Variants in SLIT3 observed in about 807,000 individuals in gnomAD.
The protein encoded by SLIT3 is slit guidance ligand 3.
In SLIT3, 68 loss-of-function variants were observed where a neutral mutation model predicts 184.0. The observed-to-expected ratio is 0.37, with a 90% confidence interval of 0.30 to 0.45. The LOEUF (loss-of-function observed/expected upper bound fraction) is 0.45, where lower values mean the gene tolerates loss of function less well. Among genes scored for constraint, SLIT3 ranks in the 20% least tolerant of loss-of-function variants. SLIT3 has a pLI of 1.00. For synonymous variants in SLIT3, 831 were observed against 828.6 expected (o/e 1.00, Z -0.05); for missense variants, 1,707 against 2,026.0 (o/e 0.84, Z 3.02).
chr5:169,205,744 G>A (rs1764047816), intron 3 of SLIT3, among the ~76,000 whole-genome samples: 1 of 152,230 alleles, frequency 6.6e-6, no homozygotes, highest in South Asian at 2.1e-4. Context: ...CAAGCCCCCT[G>A]TGCTGGCTAT....
intron 10 of SLIT3, chr5:168,790,320 A>G (rs1756319729): frequency 6.6e-6 from 1 of 152,198 alleles, no homozygotes; most frequent in Non-Finnish European, 1.5e-5. Flanking sequence ...GCTTTGGATA[A>G]TGAGAGCAAG....
chr5:169,069,899 G>A (rs1439627186), intron 4 of SLIT3, among the ~76,000 whole-genome samples: 4 of 152,130 alleles, frequency 2.6e-5, no homozygotes, highest in African/African-American at 7.2e-5. Flanking sequence ...GGGAACCCTC[G>A]GAAAGATCTT....
chr5:168,823,680 G>A (rs545529841), intron 6 of SLIT3, among the ~76,000 whole-genome samples: 265 of 152,106 alleles, frequency 1.7e-3, no homozygotes, highest in Middle Eastern at 0.014. Context: ...TCCTGTCCTC[G>A]GTTTATGGAG....
chr5:169,028,009 C>T (rs112034727), intron 4 of SLIT3, among the ~76,000 whole-genome samples: 33 of 152,226 alleles, frequency 2.2e-4, no homozygotes, highest in African/African-American at 7.7e-4. Context: ...GGAGCTGAGA[C>T]GGGCTGCTTC....
intron 4 of SLIT3, among the ~76,000 whole-genome samples, chr5:169,104,456 A>G (rs1385292853): frequency 6.6e-6 from 1 of 152,242 alleles, no homozygotes; most frequent in African/African-American, 2.4e-5. Context: ...TCACCTGTCA[A>G]AATGAAAAGG....
intron 4 of SLIT3, among the ~76,000 whole-genome samples, chr5:169,146,547 C>T (rs1305445124): frequency 6.6e-6 from 1 of 152,182 alleles, no homozygotes; most frequent in Non-Finnish European, 1.5e-5. Context: ...CTTCTGACCT[C>T]CACACCCCCT....
intron 27 of SLIT3, among the ~76,000 whole-genome samples, chr5:168,697,393 G>A (rs1280377017): frequency 2.6e-5 from 4 of 152,218 alleles, no homozygotes; most frequent in Admixed American, 2.0e-4. Context: ...GTGCAAGATC[G>A]GTTAGAACAG....
chr5:169,079,175 T>G (rs6874729), intron 4 of SLIT3, among the ~76,000 whole-genome samples: 54,577 of 151,976 alleles, frequency 0.36, 10,764 homozygotes, highest in South Asian at 0.56. Flanking sequence ...TTCTTTCCTT[T>G]TCTATCTGGG....
intron 18 of SLIT3, among the ~76,000 whole-genome samples, chr5:168,751,579 G>C (rs551487769): frequency 6.6e-6 from 1 of 152,154 alleles, no homozygotes; most frequent in South Asian, 2.1e-4. Flanking sequence ...TCTGAACCTA[G>C]GAAATTTGGC....
At chr5:169,130,826 G>A (rs899622801) in intron 4 of SLIT3, among the ~76,000 whole-genome samples, 6 of 152,204 alleles carry the variant, frequency 3.9e-5, no homozygotes, top group African/African-American at 1.4e-4. Context: ...GACTGATCAT[G>A]TGTCAGCATG....
rs767155509 is a variant in SLIT3 at position 169,057,948 on chromosome 5, G to T, written c.413+135531C>A. On this transcript the variant is annotated intron_variant, in intron 4 of 35. Transcript: ENST00000519560. Reference sequence around the variant, plus strand: ...TCTCCCTTCTCTTTTGGCTGATAGAGGCTTAAGATCAAGATGAAATCAGCT... The same window carrying T: ...TCTCCCTTCTCTTTTGGCTGATAGATGCTTAAGATCAAGATGAAATCAGCT... Among the ~76,000 whole-genome samples the T allele has an allele frequency of 3.5e-4, 54 of 152,306 alleles. 1 individual carries two copies. The highest frequency in any genetic ancestry group is 1.8e-3 in the Admixed American group (28 of 15,290).
intron 4 of SLIT3, among the ~76,000 whole-genome samples, chr5:168,965,629 T>A (rs1159217016): frequency 6.6e-6 from 1 of 152,206 alleles, no homozygotes; most frequent in Non-Finnish European, 1.5e-5. Context: ...CAACAGCACT[T>A]TGACATACCA....
intron 5 of SLIT3, among the ~76,000 whole-genome samples, chr5:168,868,747 C>CAAAAAAAAAAAAAAAAAAAAAAA (rs375837097): frequency 1.4e-5 from 1 of 69,308 alleles, no homozygotes; most frequent in Non-Finnish European, 2.9e-5. Context: ...GAATCTGCCT[C>CAAAAAAAAAAAAAAAAAAAAAAA]AAAAAAAAAA....
chr5:169,052,462 G>C (rs1757851241), intron 4 of SLIT3, among the ~76,000 whole-genome samples: 1 of 152,098 alleles, frequency 6.6e-6, no homozygotes, highest in African/African-American at 2.4e-5. Context: ...TACTTCCCCA[G>C]GGCCAATTAG....
chr5:168,907,979 T>TATATATATATATATAG, intron 4 of SLIT3, among the ~76,000 whole-genome samples: 1 of 50,088 alleles, frequency 2.0e-5, no homozygotes, highest in East Asian at 5.0e-4. Context: ...TATATATATA[T>TATATATATATATATAG]AGAGAGAGAG....
chr5:168,809,545 T>A (rs1167708390), intron 8 of SLIT3, among the ~76,000 whole-genome samples: 1 of 152,176 alleles, frequency 6.6e-6, no homozygotes, highest in Non-Finnish European at 1.5e-5. Context: ...TCGATGCCAA[T>A]GGACCAAGCC....
intron 4 of SLIT3, among the ~76,000 whole-genome samples, chr5:169,136,643 T>A (rs1415791615): frequency 6.6e-6 from 1 of 152,184 alleles, no homozygotes; most frequent in Non-Finnish European, 1.5e-5. Context: ...TCTGGCCCCA[T>A]CTTTCAACGC....
intron 4 of SLIT3, among the ~76,000 whole-genome samples, chr5:169,108,300 T>A (rs1215815272): frequency 6.6e-6 from 1 of 152,188 alleles, no homozygotes; most frequent in Non-Finnish European, 1.5e-5. Flanking sequence ...GGCCCTGACA[T>A]TTGGATGCTG....
intron 21 of SLIT3, among the ~76,000 whole-genome samples, chr5:168,724,082 C>T (rs759869315): frequency 9.2e-5 from 14 of 152,128 alleles, no homozygotes; most frequent in Admixed American, 3.9e-4. Context: ...CTCCCAACAA[C>T]GAATAATTAA....
Sources: gnomAD v4.1 joint callset for allele counts (sites outside exome capture counted in the v4.1 genomes callset) on GRCh38, gnomAD v4.1.1 for gene constraint, MANE v1.5 for transcripts, NCBI Gene and HGNC (gene_info 2026-07-23, HGNC 2026-07-21) for gene names.